The following SLC35E3 variants were observed in gnomAD, a reference collection of about 807,000 sequenced individuals.
SLC35E3 encodes the protein solute carrier family 35 member E3.
In SLC35E3, 28 loss-of-function variants were observed where a neutral mutation model predicts 30.8. That is an observed-to-expected ratio of 0.91 (90% confidence interval 0.67 to 1.25). The LOEUF is 1.25. Ranked by LOEUF, SLC35E3 falls within the 50% of genes most tolerant of loss-of-function variation. The pLI is 0.00. For synonymous variants in SLC35E3, 146 were observed against 149.2 expected, an observed-to-expected ratio of 0.98 and a Z score of 0.16; for missense variants, 365 against 375.4, an observed-to-expected ratio of 0.97 and a Z score of 0.23.
chr12:68,754,966 A>G (rs1408143771), intron 3 of SLC35E3, among the ~76,000 whole-genome samples: 1 of 152,120 alleles, frequency 6.6e-6, no homozygotes, highest in Non-Finnish European at 1.5e-5. Context: ...GGGTGGCTTA[A>G]ACAACAAATA....
chr12:68,748,135 T>C, intron 2 of SLC35E3, 95 bp downstream of exon 2: 1 of 718,920 alleles, frequency 1.4e-6, no homozygotes, highest in Non-Finnish European at 2.4e-6. Flanking sequence ...ATAGAGACAA[T>C]AGACTGTTGG....
At chr12:68,759,091 T>C (rs1371339094) in intron 3 of SLC35E3, 66 bp from the exon 4 acceptor site, 1 of 1,118,820 alleles carries the variant, frequency 8.9e-7, no homozygotes, top group Non-Finnish European at 1.3e-6. Context: ...CCGAATGAAA[T>C]GTATCTTTGC....
Position 68,746,240 on chromosome 12 carries a change from G to A in SLC35E3, c.-138G>A, listed in dbSNP as rs1322786928. On this transcript the variant is annotated 5_prime_UTR_variant, in exon 1 of 5. Coordinates refer to ENST00000398004, the MANE Select transcript of SLC35E3 (RefSeq NM_018656.5). ...CTCTGTTAAGAGTGCTACTCGCCCG[G>A]GGTTGATCTGTGCATGCCACTCCTG... 2.6e-6 allele frequency: 2 copies of A among 766,572 alleles called. No individual in the cohort carries two copies. Among genetic ancestry groups the A allele is most frequent in the African/African-American group, 3.5e-5 (2 of 56,936 alleles). The allele number at this position is 766,572 out of a possible 1,614,324, so 47.5% of individuals were successfully genotyped here.
At position 68,765,632 on chromosome 12, in the gene SLC35E3, ATATGTG is replaced by A. The variant is rs910556151; in HGVS notation, c.*744_*749del. The A allele has an allele frequency of 2.4e-5, 3 of 125,912 alleles. No homozygotes were observed. The highest frequency in any genetic ancestry group is 8.9e-5 in the African/African-American group (3 of 33,600). 7.8% of individuals were successfully genotyped at this position (125,912 alleles called of 1,614,324 possible). ...TATGTGTGTGTGTGTATATATATAT[ATATGTG>A]TGTGTGTGTGTGTGTATACATATAT... On this transcript the variant is annotated 3_prime_UTR_variant, in exon 5 of 5. Transcript: ENST00000398004.
rs1438661362 is a variant in SLC35E3 at position 68,781,266 on chromosome 12, C to T, written c.*16376C>T. ...TAATTAGGAATATCTGTCATACTGG[C>T]ACTGGGCAAATTATTCTGAATGTTC... On this transcript the variant is annotated 3_prime_UTR_variant, in exon 5 of 5. Transcript: ENST00000398004. 6.6e-6 allele frequency: 1 copy of T among 152,162 alleles called. No individual in the cohort carries two copies. The highest frequency in any genetic ancestry group is 1.5e-5 in the Non-Finnish European group (1 of 68,028). The allele number at this position is 152,162 out of a possible 1,614,324, so 9.4% of individuals were successfully genotyped here.
chr12:68,763,684 C>T (rs1239181314), intron 4 of SLC35E3, among the ~76,000 whole-genome samples: 2 of 151,766 alleles, frequency 1.3e-5, no homozygotes, highest in African/African-American at 2.4e-5. Flanking sequence ...CGTGAGCCAC[C>T]GTGCCTGGCC....
rs1565722364 is a variant in SLC35E3, at chr12:68,775,948, C to CACAAA, written c.*11059_*11060insCAAAA. 1 of 12,522 alleles carries CACAAA rather than the reference C, an allele frequency of 8.0e-5. No individual in the cohort carries two copies. Among genetic ancestry groups the CACAAA allele is most frequent in the Non-Finnish European group, 1.4e-4 (1 of 7,098 alleles). The allele number at this position is 12,522 out of a possible 1,614,324, so 0.8% of individuals were successfully genotyped here. On this transcript the variant is annotated 3_prime_UTR_variant, in exon 5 of 5. Coordinates refer to ENST00000398004, the MANE Select transcript of SLC35E3 (RefSeq NM_018656.5). ...GGGTGACAAGAGCGAAACTCTGTCT[C>CACAAA]AAAAAAAAAAAAAAAAAAAAAAAAA...
intron 3 of SLC35E3, among the ~76,000 whole-genome samples, chr12:68,756,148 T>A (rs2136072433): frequency 6.6e-6 from 1 of 152,214 alleles, no homozygotes; most frequent in East Asian, 1.9e-4. Flanking sequence ...GGACCATCTA[T>A]CAGATAATAT....
chr12:68,767,122 AC>A lies in SLC35E3; in HGVS notation c.*2233del, dbSNP rs1879451765. ...GAAAAATTGGGATATTAGAGGAAAT[AC>A]ATGATTTCCATTTATGGAGTGCTAC... is the stretch of plus-strand genomic sequence containing the variant. On this transcript the variant is annotated 3_prime_UTR_variant, in exon 5 of 5. Coordinates refer to ENST00000398004, the MANE Select transcript of SLC35E3 (RefSeq NM_018656.5). 6.5e-6 allele frequency: 1 copy of A among 153,784 alleles called. No individual in the cohort carries two copies. The highest frequency in any genetic ancestry group is 2.4e-5 in the African/African-American group (1 of 41,498). The allele number at this position is 153,784 out of a possible 1,614,324, so 9.5% of individuals were successfully genotyped here. A position where few individuals can be genotyped will look rare whatever the true frequency, so the allele number is the denominator to read the frequency against.
At position 68,764,982 on chromosome 12, in the gene SLC35E3, C is replaced by T; in HGVS notation, c.*92C>T. On this transcript the variant is annotated 3_prime_UTR_variant, in exon 5 of 5. Transcript: ENST00000398004. ...ATTAAAAAAAAAAAATTGGGCCAGGCACGGTGGCTCACGCCTGTAATCCCA... is the reference window on the plus strand; with the variant it reads ...ATTAAAAAAAAAAAATTGGGCCAGGTACGGTGGCTCACGCCTGTAATCCCA... The T allele has an allele frequency of 8.3e-7, 1 of 1,204,696 alleles. No individual in the cohort carries two copies. 74.6% of individuals were successfully genotyped at this position (1,204,696 alleles called of 1,614,324 possible).
chr12:68,762,244 C>A (rs907442026), intron 4 of SLC35E3, among the ~76,000 whole-genome samples: 2 of 151,994 alleles, frequency 1.3e-5, no homozygotes, highest in African/African-American at 4.8e-5. Flanking sequence ...TTGAGATTAC[C>A]AAGCAGACAA....
chr12:68,759,658 T>C (rs1047710806), intron 4 of SLC35E3, among the ~76,000 whole-genome samples: 1 of 151,688 alleles, frequency 6.6e-6, no homozygotes, highest in Non-Finnish European at 1.5e-5. Context: ...GAGCTGAGAT[T>C]GTGCCACTGT....
In SLC35E3 at chr12:68,768,726, A is replaced by G. The variant is rs1484571733; in HGVS notation, c.*3836A>G. 1 of 152,346 alleles carries G rather than the reference A, an allele frequency of 6.6e-6. No homozygotes were observed. Among genetic ancestry groups the G allele is most frequent in the Non-Finnish European group, 1.5e-5 (1 of 68,030 alleles). The allele number at this position is 152,346 out of a possible 1,614,324, so 9.4% of individuals were successfully genotyped here. Reference sequence around the variant, plus strand: ...GATGGAAGAAGGATGGCATCTGTGTAACATATGCATGGTAACGCTGACGTG... The same window carrying G: ...GATGGAAGAAGGATGGCATCTGTGTGACATATGCATGGTAACGCTGACGTG... On this transcript the variant is annotated 3_prime_UTR_variant, in exon 5 of 5. Transcript: ENST00000398004.
Position 68,752,170 on chromosome 12 carries a change from C to A in SLC35E3, c.652C>A (p.Pro218Thr). The A allele has an allele frequency of 6.2e-7, 1 of 1,611,402 alleles. No individual in the cohort carries two copies. The change falls in exon 3 of 5, where the codon CCC becomes ACC. Residue 218 changes from proline to threonine, a missense_variant. By Grantham distance (38) the Pro-to-Thr change is conservative. Coordinates refer to ENST00000398004, the MANE Select transcript of SLC35E3 (RefSeq NM_018656.5). The stretch of plus-strand genomic sequence containing the variant: ...GTTTGGAGAAGGAGGAATATTTGGT[C>A]CCTGGTCAGTTTCTGCTTTGGTAAG... ...PVFGEGGIFG[P>T]WSVSALLMVL...
At chr12:68,753,869 G>C (rs1324921469) in intron 3 of SLC35E3, among the ~76,000 whole-genome samples, 1 of 148,878 alleles carries the variant, frequency 6.7e-6, no homozygotes, top group Non-Finnish European at 1.5e-5. Context: ...TCTTTTTTTT[G>C]AGATGGAGTC....
intron 3 of SLC35E3, among the ~76,000 whole-genome samples, chr12:68,756,639 A>T (rs28635305): frequency 0.042 from 6,338 of 152,238 alleles, 459 homozygotes; most frequent in African/African-American, 0.14. Flanking sequence ...CATACCAGGG[A>T]TGTGGGGATG....
At chr12:68,747,531 G>GC (rs1592532424) in intron 1 of SLC35E3, among the ~76,000 whole-genome samples, 2 of 152,340 alleles carry the variant, frequency 1.3e-5, no homozygotes, top group East Asian at 3.9e-4. Flanking sequence ...GCCTCCGAAA[G>GC]CGCTGGGGTT....
In SLC35E3 at chr12:68,752,034, G is replaced by T; in HGVS notation, c.516G>T (p.Trp172Cys). Reference sequence around the variant, plus strand: ...ATGTTTTATCTCCTAATTTTCAGTGGGTAGGAGCCAAACAGCATGAATTAC... The same window carrying T: ...ATGTTTTATCTCCTAATTTTCAGTGTGTAGGAGCCAAACAGCATGAATTAC... ...GVLVTSLYQVWVGAKQHELQV... is the reference protein window; with the variant it reads ...GVLVTSLYQVCVGAKQHELQV... The change falls in exon 3 of 5, where the codon TGG (tryptophan) becomes TGT (cysteine). Residue 172 changes from tryptophan to cysteine, a missense_variant and splice_region_variant. Coordinates refer to ENST00000398004, the MANE Select transcript of SLC35E3 (RefSeq NM_018656.5). 6.3e-7 allele frequency: 1 copy of T among 1,581,746 alleles called. No individual in the cohort carries two copies. Among genetic ancestry groups the T allele is most frequent in the Non-Finnish European group, 8.6e-7 (1 of 1,167,566 alleles).
At chr12:68,751,445 C>T (rs1048253750) in intron 2 of SLC35E3, among the ~76,000 whole-genome samples, 1 of 152,002 alleles carries the variant, frequency 6.6e-6, no homozygotes, top group African/African-American at 2.4e-5. Context: ...CACAGGCGCC[C>T]GCCACCACGC....
Sources: allele counts gnomAD v4.1 joint callset (sites outside exome capture counted in the v4.1 genomes callset), GRCh38; gene constraint gnomAD v4.1.1; transcripts MANE v1.5; gene names NCBI Gene and HGNC (gene_info 2026-07-23, HGNC 2026-07-21).